COMMD1: variants seen among roughly 807,000 people sequenced by gnomAD.
COMMD1 encodes copper metabolism domain containing 1, also known as COMM domain-containing protein 1.
In COMMD1, 10 loss-of-function variants were observed where a neutral mutation model predicts 17.2. The ratio of observed to expected loss-of-function variants is 0.58; its 90% CI spans 0.36 to 0.99. The LOEUF is 0.99. Ranked by LOEUF, COMMD1 falls within the 50% of genes least tolerant of loss-of-function variation. COMMD1 has a pLI of 0.01. For synonymous variants in COMMD1, 97 were observed against 91.6 expected, an observed-to-expected ratio of 1.06 and a Z score of -0.34; for missense variants, 270 against 231.8, an observed-to-expected ratio of 1.17 and a Z score of -1.07.
chr2:62,019,678 A>G (rs1455927986), intron 2 of COMMD1, among the ~76,000 whole-genome samples: 1 of 152,138 alleles, frequency 6.6e-6, no homozygotes, highest in African/African-American at 2.4e-5. Flanking sequence ...TTCTTGTCAC[A>G]CCATGTTAGG....
intron 2 of COMMD1, among the ~76,000 whole-genome samples, chr2:62,005,336 C>G (rs1669080975): frequency 6.6e-6 from 1 of 152,168 alleles, no homozygotes; most frequent in South Asian, 2.1e-4. Flanking sequence ...TATTCAGGAA[C>G]TAGTGAAGGT....
intron 1 of COMMD1, among the ~76,000 whole-genome samples, chr2:61,890,123 A>C (rs1227966010): frequency 6.6e-6 from 1 of 152,246 alleles, no homozygotes; most frequent in Non-Finnish European, 1.5e-5. Context: ...ATTATTAAGC[A>C]CCTGCAAAGT....
intron 1 of COMMD1, chr2:61,915,835 T>C (rs1367922358): frequency 6.2e-6 from 2 of 324,156 alleles, no homozygotes; most frequent in South Asian, 2.5e-5. Context: ...TTATTTAGTT[T>C]TTTTGATTAT....
At chr2:62,067,462 A>G (rs1671085481) in intron 2 of COMMD1, among the ~76,000 whole-genome samples, 1 of 152,196 alleles carries the variant, frequency 6.6e-6, no homozygotes, top group African/African-American at 2.4e-5. Context: ...TATGACTTCA[A>G]GTTAAAGGGG....
At chr2:62,039,901 C>T (rs1487964231) in intron 2 of COMMD1, among the ~76,000 whole-genome samples, 2 of 152,142 alleles carry the variant, frequency 1.3e-5, no homozygotes, top group Admixed American at 6.5e-5. Flanking sequence ...CAAAGGCCCT[C>T]CTGGGAAAAA....
intron 1 of COMMD1, among the ~76,000 whole-genome samples, chr2:61,969,516 C>T (rs954920218): frequency 1.3e-5 from 2 of 152,160 alleles, no homozygotes; most frequent in African/African-American, 4.8e-5. Flanking sequence ...TGACATAGCA[C>T]GTTCTTGGAA....
At chr2:61,890,455 G>A (rs1669400871) in intron 1 of COMMD1, among the ~76,000 whole-genome samples, 1 of 152,154 alleles carries the variant, frequency 6.6e-6, no homozygotes, top group African/African-American at 2.4e-5. Context: ...CCGAGCTCAG[G>A]TGATAGGCCC....
chr2:61,915,940 G>A (rs1018209926), intron 1 of COMMD1, among the ~76,000 whole-genome samples: 2 of 151,794 alleles, frequency 1.3e-5, no homozygotes, highest in African/African-American at 4.8e-5. Context: ...CTAAAGTGCT[G>A]GGATTACAGG....
intron 2 of COMMD1, among the ~76,000 whole-genome samples, chr2:62,115,384 G>A (rs1173643938): frequency 6.6e-6 from 1 of 152,216 alleles, no homozygotes; most frequent in Non-Finnish European, 1.5e-5. Flanking sequence ...GGCCTGTTTG[G>A]CTGGAATATC....
At chr2:61,926,735 A>G (rs1214619060) in intron 1 of COMMD1, among the ~76,000 whole-genome samples, 2 of 152,092 alleles carry the variant, frequency 1.3e-5, no homozygotes, top group African/African-American at 2.4e-5. Flanking sequence ...TTCTGAGGCT[A>G]ATTGGAGCTT....
At chr2:62,025,229 A>G (rs1387735149) in intron 2 of COMMD1, among the ~76,000 whole-genome samples, 1 of 151,886 alleles carries the variant, frequency 6.6e-6, no homozygotes, top group Non-Finnish European at 1.5e-5. Flanking sequence ...CAAAAAACAA[A>G]CAAACAAATA....
chr2:61,967,576 G>A (rs1419042462), intron 1 of COMMD1, among the ~76,000 whole-genome samples: 1 of 152,186 alleles, frequency 6.6e-6, no homozygotes, highest in African/African-American at 2.4e-5. Context: ...GAAGGATTGG[G>A]ACAGGGCCTG....
At chr2:61,953,825 A>C (rs1357785219) in intron 1 of COMMD1, among the ~76,000 whole-genome samples, 3 of 152,160 alleles carry the variant, frequency 2.0e-5, no homozygotes, top group African/African-American at 7.2e-5. Flanking sequence ...GTTTTAAAAT[A>C]ATTTTTAATT....
chr2:61,944,497 G>A (rs1027367033), intron 1 of COMMD1, among the ~76,000 whole-genome samples: 4 of 151,842 alleles, frequency 2.6e-5, no homozygotes, highest in East Asian at 1.9e-4. Flanking sequence ...ATGCACCTCC[G>A]AACTAGAATT....
At chr2:62,091,316 A>C (rs1363084648) in intron 2 of COMMD1, among the ~76,000 whole-genome samples, 1 of 152,140 alleles carries the variant, frequency 6.6e-6, no homozygotes, top group East Asian at 1.9e-4. Flanking sequence ...TTTCTAAAGA[A>C]TGTCTCTCCT....
intron 1 of COMMD1, among the ~76,000 whole-genome samples, chr2:61,980,461 T>C (rs1213122488): frequency 3.7e-5 from 2 of 54,304 alleles, no homozygotes; most frequent in African/African-American, 1.7e-4. Flanking sequence ...TGAGATGATA[T>C]CTCATAGTGG....
At chr2:61,993,006 C>T (rs990942686) in intron 1 of COMMD1, among the ~76,000 whole-genome samples, 4 of 152,042 alleles carry the variant, frequency 2.6e-5, no homozygotes, top group Admixed American at 6.5e-5. Context: ...ACTTGTACTA[C>T]TACTACTGCT....
At chr2:62,110,028 C>T (rs1406850501) in intron 2 of COMMD1, among the ~76,000 whole-genome samples, 1 of 142,052 alleles carries the variant, frequency 7.0e-6, no homozygotes, top group Non-Finnish European at 1.5e-5. Flanking sequence ...CAAGGTGTTG[C>T]GATTATAGGT....
intron 2 of COMMD1, among the ~76,000 whole-genome samples, chr2:62,044,256 T>G (rs1670317339): frequency 6.6e-6 from 1 of 152,218 alleles, no homozygotes; most frequent in African/African-American, 2.4e-5. Context: ...CTTTGCAGAT[T>G]TACTTAAATT....
Sources: allele counts gnomAD v4.1 joint callset (sites outside exome capture counted in the v4.1 genomes callset), GRCh38; gene constraint gnomAD v4.1.1; transcripts MANE v1.5; gene names NCBI Gene and HGNC (gene_info 2026-07-23, HGNC 2026-07-21).